Variants in RYR2 observed in about 807,000 individuals in gnomAD.
RYR2 encodes the protein ryanodine receptor 2.
In RYR2, 227 loss-of-function variants were observed where a neutral mutation model predicts 601.1. The ratio of observed to expected loss-of-function variants is 0.38; its 90% CI spans 0.34 to 0.42. RYR2 has a LOEUF of 0.42. RYR2 is among the 10% of genes least tolerant of loss of function. RYR2 has a pLI of 1.00. For missense variants in RYR2, 4,646 were observed against 6,156.5 expected, an observed-to-expected ratio of 0.75 and a Z score of 8.21; for synonymous variants, 2,223 against 2,175.1, an observed-to-expected ratio of 1.02 and a Z score of -0.61.
intron 25 of RYR2, among the ~76,000 whole-genome samples, chr1:237,537,289 A>G (rs1668742807): frequency 6.6e-6 from 1 of 152,168 alleles, no homozygotes; most frequent in Non-Finnish European, 1.5e-5. Flanking sequence ...AATTTCCACC[A>G]AATTCCCATC....
intron 84 of RYR2, among the ~76,000 whole-genome samples, chr1:237,770,462 G>T (rs1378779406): frequency 6.6e-6 from 1 of 152,082 alleles, no homozygotes; most frequent in African/African-American, 2.4e-5. Flanking sequence ...GCAGAAAAAG[G>T]TCCCTTCTAT....
At chr1:237,442,444 GTCTT>G (rs552319159) in intron 13 of RYR2, among the ~76,000 whole-genome samples, 28 of 151,988 alleles carry the variant, frequency 1.8e-4, no homozygotes, top group Non-Finnish European at 3.7e-4. Flanking sequence ...CTTTCCTCCT[GTCTT>G]TCTTTTCTCT....
chr1:237,509,756 A>G (rs1160015653), intron 23 of RYR2, among the ~76,000 whole-genome samples: 1 of 152,232 alleles, frequency 6.6e-6, no homozygotes, highest in Non-Finnish European at 1.5e-5. Flanking sequence ...AGCTCTTCCC[A>G]GGGAAATCAG....
intron 1 of RYR2, among the ~76,000 whole-genome samples, chr1:237,114,725 A>G (rs932366133): frequency 6.6e-6 from 1 of 152,208 alleles, no homozygotes; most frequent in Non-Finnish European, 1.5e-5. Flanking sequence ...CTCTGGAGCT[A>G]GACTGCCTGG....
chr1:237,113,237 C>T (rs963140104), intron 1 of RYR2, among the ~76,000 whole-genome samples: 30 of 151,846 alleles, frequency 2.0e-4, no homozygotes, highest in African/African-American at 7.0e-4. Flanking sequence ...CTCACTCTGT[C>T]GCCCAGACTG....
At chr1:237,815,866 C>T (rs958373622) in intron 100 of RYR2, among the ~76,000 whole-genome samples, 1 of 152,158 alleles carries the variant, frequency 6.6e-6, no homozygotes, top group Non-Finnish European at 1.5e-5. Flanking sequence ...GTTAATGCAA[C>T]AAGTTGGCAC....
intron 1 of RYR2, among the ~76,000 whole-genome samples, chr1:237,209,331 GTATC>G (rs1682296873): frequency 6.6e-6 from 1 of 151,768 alleles, no homozygotes; most frequent in Non-Finnish European, 1.5e-5. Context: ...AGATATATCT[GTATC>G]TAGCTACATC....
chr1:237,109,345 GT>G (rs35600188), intron 1 of RYR2, among the ~76,000 whole-genome samples: 1 of 150,226 alleles, frequency 6.7e-6, no homozygotes, highest in African/African-American at 2.4e-5. Flanking sequence ...GGTAAAGCTG[GT>G]TTTTTTTTTA....
At chr1:237,301,629 G>T (rs1572525759) in intron 2 of RYR2, among the ~76,000 whole-genome samples, 1 of 137,254 alleles carries the variant, frequency 7.3e-6, no homozygotes, top group Non-Finnish European at 1.5e-5. Flanking sequence ...TAGTAATGAA[G>T]TTAATAAAAC....
At chr1:237,631,150 G>T (rs1188491874) in intron 41 of RYR2, among the ~76,000 whole-genome samples, 2 of 152,092 alleles carry the variant, frequency 1.3e-5, no homozygotes, top group Non-Finnish European at 2.9e-5. Context: ...ATAAAATTAG[G>T]AATGATGTGT....
chr1:237,223,290 T>C (rs1352651687), intron 1 of RYR2, among the ~76,000 whole-genome samples: 2 of 152,214 alleles, frequency 1.3e-5, no homozygotes, highest in African/African-American at 4.8e-5. Context: ...TGTCCTCGCA[T>C]GGCTAAAGGT....
At position 237,733,825 on chromosome 1, in the gene RYR2, G is replaced by T. The variant is rs1034083986; in HGVS notation, c.11091+69G>T. 2.8e-6 allele frequency: 3 copies of T among 1,073,862 alleles called. No homozygotes were observed. The African/African-American group carries it at 4.7e-5, about 17-fold the overall frequency. 66.5% of individuals were successfully genotyped at this position (1,073,862 alleles called of 1,614,324 possible). A position where few individuals can be genotyped will look rare whatever the true frequency, so the allele number is the denominator to read the frequency against. On this transcript the variant is annotated intron_variant, in intron 79 of 104. Coordinates refer to ENST00000366574, the MANE Select transcript of RYR2 (RefSeq NM_001035.3). ...AGGGAAGTAACTTTCATCTGAAAAG[G>T]ATAAGAATCTGTGTATTTCATTAAT...
chr1:237,416,743 G>A (rs1311124680), intron 10 of RYR2, among the ~76,000 whole-genome samples: 2 of 117,046 alleles, frequency 1.7e-5, no homozygotes. Flanking sequence ...GGGAGGGATG[G>A]GAAGAAACAC....
At chr1:237,185,398 T>A (rs1679237859) in intron 1 of RYR2, among the ~76,000 whole-genome samples, 1 of 152,200 alleles carries the variant, frequency 6.6e-6, no homozygotes, top group African/African-American at 2.4e-5. Flanking sequence ...TTTTCAATAT[T>A]GGCTTTAGTT....
intron 8 of RYR2, among the ~76,000 whole-genome samples, chr1:237,381,251 C>CAAAAAAAAAAAA (rs60493059): frequency 2.2e-5 from 1 of 45,768 alleles, no homozygotes; most frequent in African/African-American, 5.6e-5. Flanking sequence ...GACTCCGTCT[C>CAAAAAAAAAAAA]AAAAAAAAAA....
intron 1 of RYR2, among the ~76,000 whole-genome samples, chr1:237,099,647 G>A (rs868210119): frequency 5.3e-5 from 8 of 152,166 alleles, no homozygotes; most frequent in African/African-American, 1.9e-4. Context: ...ACTGTACTAG[G>A]AGATTGTTCC....
chr1:237,104,527 T>C (rs1668459342), intron 1 of RYR2, among the ~76,000 whole-genome samples: 2 of 152,242 alleles, frequency 1.3e-5, no homozygotes. Flanking sequence ...TTAAATGTGC[T>C]GTGCCTTTTA....
At chr1:237,207,544 C>T (rs1354546296) in intron 1 of RYR2, among the ~76,000 whole-genome samples, 5 of 152,196 alleles carry the variant, frequency 3.3e-5, no homozygotes, top group Non-Finnish European at 7.3e-5. Context: ...CCAGCCTGGG[C>T]GACAGAGCAG....
chr1:237,235,464 C>T (rs1335969494), intron 1 of RYR2, among the ~76,000 whole-genome samples: 1 of 152,172 alleles, frequency 6.6e-6, no homozygotes, highest in Non-Finnish European at 1.5e-5. Context: ...TTTCTGTAAA[C>T]CATGGGAATG....
Sources: allele counts gnomAD v4.1 joint callset (sites outside exome capture counted in the v4.1 genomes callset), GRCh38; gene constraint gnomAD v4.1.1; transcripts MANE v1.5; gene names NCBI Gene and HGNC (gene_info 2026-07-23, HGNC 2026-07-21).